Variants in LOC122539214 observed in about 807,000 individuals in gnomAD.
chr19:52,665,105 C>G, the LOC122539214 span, among the ~76,000 whole-genome samples: 2 of 152,174 alleles, frequency 1.3e-5, no homozygotes, highest in Admixed American at 1.3e-4. Context: ...CCCACAGAAC[C>G]AATTAGAAAT....
At chr19:52,652,411 G>A in the LOC122539214 span, 3 of 364,978 alleles carry the variant, frequency 8.2e-6, no homozygotes, top group Non-Finnish European at 1.6e-5. Flanking sequence ...CCCCAGCCTG[G>A]ACAAAAGAGT....
the LOC122539214 span, among the ~76,000 whole-genome samples, chr19:52,663,199 T>C: frequency 1.3e-5 from 2 of 152,092 alleles, no homozygotes; most frequent in Admixed American, 6.6e-5. Context: ...CCATCTGTTA[T>C]ATACCTGAGC....
chr19:52,660,304 T>C, the LOC122539214 span, among the ~76,000 whole-genome samples: 1 of 152,104 alleles, frequency 6.6e-6, no homozygotes, highest in African/African-American at 2.4e-5. Flanking sequence ...TGCCCCAACT[T>C]GCAGGAAACT....
chr19:52,672,122 T>C, the LOC122539214 span, among the ~76,000 whole-genome samples: 14 of 152,194 alleles, frequency 9.2e-5, no homozygotes, highest in East Asian at 7.7e-4. Flanking sequence ...TAATCTCAGC[T>C]ACTCAGGAGA....
At chr19:52,653,394 T>C in the LOC122539214 span, 1 of 947,472 alleles carries the variant, frequency 1.1e-6, no homozygotes, top group African/African-American at 1.6e-5. Flanking sequence ...ATTCATTACA[T>C]GTGTAAGGTT....
the LOC122539214 span, among the ~76,000 whole-genome samples, chr19:52,679,597 G>A: frequency 3.3e-5 from 5 of 152,092 alleles, no homozygotes; most frequent in Non-Finnish European, 7.4e-5. Context: ...GGTGACAGAG[G>A]GAGACTGTAT....
the LOC122539214 span, among the ~76,000 whole-genome samples, chr19:52,685,897 C>CAAAAAAAAAAAAAAAAA: frequency 7.6e-6 from 1 of 132,442 alleles, no homozygotes; most frequent in Non-Finnish European, 1.7e-5. Context: ...GTAACTGTCA[C>CAAAAAAAAAAAAAAAAA]AAAAAAAAAA....
At chr19:52,662,187 A>AT in the LOC122539214 span, among the ~76,000 whole-genome samples, 1 of 152,246 alleles carries the variant, frequency 6.6e-6, no homozygotes, top group Non-Finnish European at 1.5e-5. Flanking sequence ...AAATTACAAC[A>AT]TTTACAAATA....
chr19:52,689,905 G>A, the LOC122539214 span, among the ~76,000 whole-genome samples: 5 of 152,206 alleles, frequency 3.3e-5, no homozygotes, highest in Admixed American at 1.3e-4. Flanking sequence ...TCCCCAACGC[G>A]GGCTCAGGAG....
chr19:52,687,618 A>AAATTT, the LOC122539214 span, among the ~76,000 whole-genome samples: 2 of 24,228 alleles, frequency 8.3e-5, no homozygotes, highest in African/African-American at 4.0e-4. Flanking sequence ...TATAATGTGT[A>AAATTT]TATATATATA....
At chr19:52,657,938 A>G in the LOC122539214 span, among the ~76,000 whole-genome samples, 3 of 152,012 alleles carry the variant, frequency 2.0e-5, no homozygotes, top group Non-Finnish European at 4.4e-5. Context: ...GTAGCTCAAG[A>G]CCAGCCTGAT....
chr19:52,680,901 C>T, the LOC122539214 span, among the ~76,000 whole-genome samples: 5 of 151,266 alleles, frequency 3.3e-5, no homozygotes, highest in South Asian at 2.1e-4. Flanking sequence ...CGTGAGCCAC[C>T]GCGCCCGGCC....
chr19:52,678,704 T>C, the LOC122539214 span, among the ~76,000 whole-genome samples: 2 of 152,140 alleles, frequency 1.3e-5, no homozygotes, highest in African/African-American at 4.8e-5. Flanking sequence ...AGGCCAGGCA[T>C]GGCTCATGCC....
chr19:52,656,431 AG>A, the LOC122539214 span, among the ~76,000 whole-genome samples: 2 of 152,162 alleles, frequency 1.3e-5, no homozygotes, highest in Admixed American at 1.3e-4. Flanking sequence ...AAGCCGAGGC[AG>A]GGGAATTGCT....
At chr19:52,682,114 G>C in the LOC122539214 span, among the ~76,000 whole-genome samples, 3 of 152,044 alleles carry the variant, frequency 2.0e-5, no homozygotes, top group Non-Finnish European at 4.4e-5. Context: ...CCAAAGTGCT[G>C]GGATTACGGG....
the LOC122539214 span, chr19:52,654,008 T>G: frequency 6.5e-7 from 1 of 1,530,566 alleles, no homozygotes; most frequent in South Asian, 1.1e-5. Flanking sequence ...CTACAAGAAA[T>G]TCTTTGGGAT....
the LOC122539214 span, among the ~76,000 whole-genome samples, chr19:52,686,483 A>G: frequency 2.4e-5 from 3 of 123,280 alleles, no homozygotes; most frequent in Non-Finnish European, 3.4e-5. Context: ...TATATATATA[A>G]ATAAATGAGA....
the LOC122539214 span, among the ~76,000 whole-genome samples, chr19:52,676,292 G>GC: frequency 6.6e-6 from 1 of 152,188 alleles, no homozygotes; most frequent in South Asian, 2.1e-4. Flanking sequence ...GCTCAATGGT[G>GC]CCCAGGCTGG....
the LOC122539214 span, among the ~76,000 whole-genome samples, chr19:52,684,493 G>A: frequency 1.3e-5 from 2 of 150,876 alleles, no homozygotes; most frequent in Non-Finnish European, 2.9e-5. Flanking sequence ...AGATTGCAGT[G>A]AGCCAAGATC....
Sources: allele counts gnomAD v4.1 joint callset (sites outside exome capture counted in the v4.1 genomes callset), GRCh38; gene constraint gnomAD v4.1.1; transcripts MANE v1.5.